STPG2: variants seen among roughly 807,000 people sequenced by gnomAD.
The protein encoded by STPG2 is sperm tail PG-rich repeat containing 2.
A neutral mutation model predicts 54.2 loss-of-function variants in STPG2; 56 were observed. That is an observed-to-expected ratio of 1.03 (90% CI 0.83 to 1.29). The LOEUF (loss-of-function observed/expected upper bound fraction) is 1.29, where lower values mean the gene tolerates loss of function less well. Among genes scored for constraint, STPG2 ranks in the 50% most tolerant of loss-of-function variants. The pLI is 0.00. For missense variants in STPG2, 596 were observed against 544.9 expected (o/e 1.09, Z -0.93); for synonymous variants, 200 against 181.8 (o/e 1.10, Z -0.81).
chr4:98,044,154 ATTTAG>A (rs576557999), intron 5 of STPG2, among the ~76,000 whole-genome samples: 111 of 152,228 alleles, frequency 7.3e-4, no homozygotes, highest in Admixed American at 7.2e-4. Flanking sequence ...TATTAGCATA[ATTTAG>A]TTACCATTGT....
At chr4:97,842,986 T>A (rs1728845932) in intron 8 of STPG2, among the ~76,000 whole-genome samples, 1 of 151,878 alleles carries the variant, frequency 6.6e-6, no homozygotes, top group Non-Finnish European at 1.5e-5. Flanking sequence ...AAACTCTGTC[T>A]AATAACAATA....
At chr4:97,692,299 A>G (rs977868842) in intron 10 of STPG2, among the ~76,000 whole-genome samples, 12 of 32,470 alleles carry the variant, frequency 3.7e-4, no homozygotes, top group African/African-American at 1.1e-3. Context: ...ACAGGATATG[A>G]AAAAAAAAAA....
chr4:98,077,229 TTG>T (rs879625332), intron 5 of STPG2, among the ~76,000 whole-genome samples: 7 of 146,746 alleles, frequency 4.8e-5, no homozygotes, highest in East Asian at 3.9e-4. Flanking sequence ...AATAGTTTTG[TTG>T]TTGTTGTTGT....
intron 9 of STPG2, among the ~76,000 whole-genome samples, chr4:97,764,116 A>G (rs899099106): frequency 3.4e-5 from 5 of 147,284 alleles, no homozygotes; most frequent in Non-Finnish European, 7.5e-5. Flanking sequence ...CCACATGCAC[A>G]CACACACACA....
intron 9 of STPG2, among the ~76,000 whole-genome samples, chr4:97,726,650 T>G (rs1724632865): frequency 6.6e-6 from 1 of 151,912 alleles, no homozygotes; most frequent in African/African-American, 2.4e-5. Flanking sequence ...AGAAAGAAAA[T>G]TAATCCTTGC....
intron 10 of STPG2, among the ~76,000 whole-genome samples, chr4:97,579,164 CATT>C (rs773706958): frequency 2.0e-5 from 3 of 151,960 alleles, no homozygotes; most frequent in Non-Finnish European, 2.9e-5. Flanking sequence ...TAATAATAAT[CATT>C]AGTTATGGCT....
chr4:97,699,199 C>T (rs1031128924), intron 10 of STPG2, among the ~76,000 whole-genome samples: 3 of 152,186 alleles, frequency 2.0e-5, no homozygotes, highest in African/African-American at 7.2e-5. Flanking sequence ...GCCAGGTCTG[C>T]CTTGGTGAGT....
intron 5 of STPG2, among the ~76,000 whole-genome samples, chr4:98,036,541 C>A (rs1283968336): frequency 6.6e-6 from 1 of 151,864 alleles, no homozygotes; most frequent in South Asian, 2.1e-4. Flanking sequence ...TTATTCTCAG[C>A]AAACTAACAC....
intron 9 of STPG2, among the ~76,000 whole-genome samples, chr4:97,724,901 T>C (rs543953621): frequency 7.2e-5 from 11 of 152,270 alleles, no homozygotes; most frequent in Admixed American, 2.0e-4. Flanking sequence ...AAAAATTGCT[T>C]ATGCAGGTCT....
chr4:97,932,482 C>CTG (rs1257724227), intron 8 of STPG2, among the ~76,000 whole-genome samples: 1 of 152,066 alleles, frequency 6.6e-6, no homozygotes, highest in Non-Finnish European at 1.5e-5. Flanking sequence ...TATTAAGCCT[C>CTG]ACATGCATTA....
chr4:98,139,410 T>A (rs1271187901), intron 1 of STPG2, among the ~76,000 whole-genome samples: 1 of 152,118 alleles, frequency 6.6e-6, no homozygotes, highest in Non-Finnish European at 1.5e-5. Flanking sequence ...TCTTGTGAAA[T>A]TCAAAATAAC....
intron 9 of STPG2, among the ~76,000 whole-genome samples, chr4:97,751,243 G>GC (rs1373550626): frequency 4.0e-5 from 6 of 151,750 alleles, no homozygotes; most frequent in Non-Finnish European, 7.4e-5. Flanking sequence ...CCTGGATTTT[G>GC]CCCCATTTCC....
intron 5 of STPG2, among the ~76,000 whole-genome samples, chr4:98,042,663 A>T (rs1253673093): frequency 6.6e-6 from 1 of 152,010 alleles, no homozygotes; most frequent in Admixed American, 6.6e-5. Flanking sequence ...ATATGGGTTA[A>T]GAAAATATGT....
chr4:97,973,589 C>T (rs1734407455), intron 6 of STPG2, among the ~76,000 whole-genome samples: 1 of 152,200 alleles, frequency 6.6e-6, no homozygotes, highest in Admixed American at 6.5e-5. Context: ...TGTCAGAGGT[C>T]TTCATGGCAG....
At chr4:97,653,914 T>A (rs562963027) in intron 10 of STPG2, among the ~76,000 whole-genome samples, 24 of 152,270 alleles carry the variant, frequency 1.6e-4, no homozygotes, top group African/African-American at 5.3e-4. Context: ...GGTAACAGTT[T>A]GATCCCACAG....
In STPG2 at chr4:97,684,923, C is replaced by T. The variant is rs191060639; in HGVS notation, c.1320+27776G>A. Among the ~76,000 whole-genome samples, 356 of 151,932 alleles carry T rather than the reference C, an allele frequency of 2.3e-3. 2 individuals carry two copies. Among genetic ancestry groups the T allele is most frequent in the African/African-American group, 8.0e-3 (333 of 41,502 alleles). On this transcript the variant is annotated intron_variant, in intron 10 of 10. Transcript: ENST00000295268. The stretch of plus-strand genomic sequence containing the variant: ...AAAATAGGAAAAAGATATGAACAGA[C>T]ACCTCACTAAAGAAGATATACAGAT...
intron 10 of STPG2, among the ~76,000 whole-genome samples, chr4:97,668,659 G>A (rs1406985335): frequency 6.9e-6 from 1 of 145,880 alleles, no homozygotes; most frequent in East Asian, 2.1e-4. Context: ...AAAGGAGGAA[G>A]GAAAGAAGGG....
At chr4:97,479,425 G>T (rs529235621) in intron 4 of STPG2, among the ~76,000 whole-genome samples, 2 of 151,996 alleles carry the variant, frequency 1.3e-5, no homozygotes, top group Non-Finnish European at 3.0e-5. Flanking sequence ...CTGCATAAAA[G>T]ATAAGAAGCT....
intron 8 of STPG2, among the ~76,000 whole-genome samples, chr4:97,891,515 CA>C (rs1730769899): frequency 6.6e-6 from 1 of 151,876 alleles, no homozygotes; most frequent in South Asian, 2.1e-4. Context: ...ATCTAAATAG[CA>C]AGAACAATTG....
Sources: gnomAD v4.1 joint callset for allele counts (sites outside exome capture counted in the v4.1 genomes callset) on GRCh38, gnomAD v4.1.1 for gene constraint, MANE v1.5 for transcripts, NCBI Gene and HGNC (gene_info 2026-07-23, HGNC 2026-07-21) for gene names.